The following FBXW7 variants were observed in gnomAD, a reference collection of about 807,000 sequenced individuals.
The protein encoded by FBXW7 is F-box/WD repeat-containing protein 7.
In FBXW7, 11 loss-of-function variants were observed where a neutral mutation model predicts 86.3. The ratio of observed to expected loss-of-function variants is 0.13; its 90% CI spans 0.08 to 0.21. The LOEUF (loss-of-function observed/expected upper bound fraction) is 0.21, where lower values mean the gene tolerates loss of function less well. Ranked by LOEUF, FBXW7 falls within the 10% of genes least tolerant of loss-of-function variation. The pLI is 1.00. For missense variants in FBXW7, 488 were observed against 847.4 expected (o/e 0.58, Z 5.27); for synonymous variants, 313 against 297.9 (o/e 1.05, Z -0.52).
chr4:152,530,070 T>TACACAC (rs200498212), intron 2 of FBXW7, among the ~76,000 whole-genome samples: 42 of 124,670 alleles, frequency 3.4e-4, no homozygotes, highest in Non-Finnish European at 4.9e-4. Flanking sequence ...AAAAAAAAAA[T>TACACAC]ACACACACAC....
intron 4 of FBXW7, among the ~76,000 whole-genome samples, chr4:152,366,316 C>T (rs906453749): frequency 6.6e-6 from 1 of 152,120 alleles, no homozygotes; most frequent in Non-Finnish European, 1.5e-5. Flanking sequence ...CAGTTTAGGA[C>T]TTCTGTACCT....
chr4:152,447,671 T>C (rs1741531907), intron 2 of FBXW7, among the ~76,000 whole-genome samples: 1 of 152,210 alleles, frequency 6.6e-6, no homozygotes, highest in African/African-American at 2.4e-5. Context: ...TATATCCTCA[T>C]CAGTATCCCT....
intron 5 of FBXW7, among the ~76,000 whole-genome samples, chr4:152,347,527 G>T (rs1470424167): frequency 6.6e-6 from 1 of 152,026 alleles, no homozygotes; most frequent in African/African-American, 2.4e-5. Context: ...CAAATGTTTT[G>T]AATTTCAAGA....
At chr4:152,341,166 A>C (rs1408141059) in intron 6 of FBXW7, among the ~76,000 whole-genome samples, 1 of 152,150 alleles carries the variant, frequency 6.6e-6, no homozygotes, top group Non-Finnish European at 1.5e-5. Flanking sequence ...GAAAGTCTTA[A>C]ACCTTCTTAA....
intron 2 of FBXW7, among the ~76,000 whole-genome samples, chr4:152,459,617 T>G (rs1257060620): frequency 6.6e-6 from 1 of 152,182 alleles, no homozygotes; most frequent in Non-Finnish European, 1.5e-5. Context: ...GTCCCCCACT[T>G]ATCCACAGAG....
intron 2 of FBXW7, among the ~76,000 whole-genome samples, chr4:152,450,907 T>C (rs1741845662): frequency 6.6e-6 from 1 of 152,228 alleles, no homozygotes; most frequent in Non-Finnish European, 1.5e-5. Flanking sequence ...ACTTGCAATG[T>C]TCCTTCCTCC....
chr4:152,469,177 C>T (rs1474077988), intron 2 of FBXW7, among the ~76,000 whole-genome samples: 1 of 151,970 alleles, frequency 6.6e-6, no homozygotes, highest in East Asian at 1.9e-4. Flanking sequence ...TTAAAAACAA[C>T]CAAAAGCCTA....
rs974109997 is a variant in FBXW7 at position 152,340,457 on chromosome 4, T to C, written c.727-2521A>G. On this transcript the variant is annotated intron_variant, in intron 6 of 13. Transcript: ENST00000281708. ...AGCTGGGCATCGTGGCGGGCGCCTG[T>C]AGTCCCGGCGACTTGGGAGGCTGAT... 1.8e-4 allele frequency among the ~76,000 whole-genome samples: 27 copies of C among 151,344 alleles called. No individual in the cohort carries two copies. In the South Asian group the frequency reaches 5.2e-3, roughly 29 times the overall value.
At chr4:152,432,789 G>A (rs1740030933) in intron 2 of FBXW7, among the ~76,000 whole-genome samples, 1 of 152,176 alleles carries the variant, frequency 6.6e-6, no homozygotes, top group Admixed American at 6.5e-5. Flanking sequence ...TCCAGCCTGG[G>A]AAACAGAGCG....
intron 4 of FBXW7, among the ~76,000 whole-genome samples, chr4:152,351,370 C>G (rs1396290157): frequency 6.6e-6 from 1 of 152,026 alleles, no homozygotes; most frequent in Non-Finnish European, 1.5e-5. Context: ...ACAAGCTCAC[C>G]TACAATTTAT....
At chr4:152,527,780 A>T (rs1192275949) in intron 2 of FBXW7, among the ~76,000 whole-genome samples, 2 of 151,564 alleles carry the variant, frequency 1.3e-5, no homozygotes, top group African/African-American at 4.9e-5. Context: ...CCCTGTCTCT[A>T]AAAAAAATAA....
intron 2 of FBXW7, among the ~76,000 whole-genome samples, chr4:152,480,581 AG>A (rs1369481263): frequency 2.0e-5 from 3 of 152,200 alleles, no homozygotes; most frequent in African/African-American, 7.2e-5. Flanking sequence ...ATAGGCCAAA[AG>A]CTAGGATTCT....
intron 4 of FBXW7, among the ~76,000 whole-genome samples, chr4:152,389,652 G>C (rs1236246885): frequency 6.6e-6 from 1 of 151,878 alleles, no homozygotes; most frequent in Non-Finnish European, 1.5e-5. Flanking sequence ...ATCACTTAAC[G>C]GGTACAATGT....
chr4:152,449,955 G>A (rs4146039), intron 2 of FBXW7, among the ~76,000 whole-genome samples: 3 of 151,940 alleles, frequency 2.0e-5, no homozygotes, highest in Non-Finnish European at 4.4e-5. Context: ...CCTTTTTGGG[G>A]AAGATAGTCT....
chr4:152,453,355 G>C (rs1437663939), intron 2 of FBXW7, among the ~76,000 whole-genome samples: 1 of 152,034 alleles, frequency 6.6e-6, no homozygotes, highest in Non-Finnish European at 1.5e-5. Flanking sequence ...GGTTCTCCTT[G>C]GTTCTGTCCT....
intron 2 of FBXW7, among the ~76,000 whole-genome samples, chr4:152,461,966 T>C (rs1350107562): frequency 6.6e-6 from 1 of 151,728 alleles, no homozygotes; most frequent in African/African-American, 2.4e-5. Flanking sequence ...AAATGTTCTG[T>C]TATACGTTGT....
intron 4 of FBXW7, among the ~76,000 whole-genome samples, chr4:152,399,082 T>C (rs1481917588): frequency 1.3e-5 from 2 of 152,162 alleles, no homozygotes; most frequent in East Asian, 1.9e-4. Context: ...TTCACTCACT[T>C]ACTAGCGTTA....
chr4:152,357,904 C>T (rs1260952021), intron 4 of FBXW7, among the ~76,000 whole-genome samples: 2 of 152,068 alleles, frequency 1.3e-5, no homozygotes, highest in African/African-American at 4.8e-5. Context: ...GTTTTATTCG[C>T]TCCTCTAAAA....
chr4:152,445,910 T>TAAAAAAA (rs11457603), intron 2 of FBXW7, among the ~76,000 whole-genome samples: 23 of 100,676 alleles, frequency 2.3e-4, no homozygotes, highest in Non-Finnish European at 3.0e-4. Flanking sequence ...ACTCTGTCTT[T>TAAAAAAA]AAAAAAAAAA....
Sources: allele counts gnomAD v4.1 joint callset (sites outside exome capture counted in the v4.1 genomes callset), GRCh38; gene constraint gnomAD v4.1.1; transcripts MANE v1.5; gene names NCBI Gene and HGNC (gene_info 2026-07-23, HGNC 2026-07-21).